Variants in DYNC1H1 observed in about 807,000 individuals in gnomAD.
DYNC1H1 encodes the protein cytoplasmic dynein 1 heavy chain 1.
Under a neutral mutation model 527.1 loss-of-function variants are expected in DYNC1H1, and 51 were observed. The observed-to-expected ratio is 0.10, with a 90% confidence interval of 0.08 to 0.12. The LOEUF (loss-of-function observed/expected upper bound fraction) is 0.12, where lower values mean the gene tolerates loss of function less well. Among genes scored for constraint, DYNC1H1 ranks in the 10% least tolerant of loss-of-function variants. DYNC1H1 has a pLI of 1.00. For synonymous variants in DYNC1H1, 2,189 were observed against 2,278.8 expected (o/e 0.96, Z 1.12); for missense variants, 2,771 against 5,971.8 (o/e 0.46, Z 17.66).
chr14:102,034,137 T>C lies in DYNC1H1; in HGVS notation c.10575T>C (p.Arg3525=), dbSNP rs763119040. Residue 3525 remains arginine (R), a synonymous_variant, in exon 55 of 78, where the codon CGT becomes CGC. Coordinates refer to ENST00000360184, the MANE Select transcript of DYNC1H1 (RefSeq NM_001376.5). ...AYAGYFDQQM[R]QNLFTTWSHH... ...CGGGTTACTTTGACCAGCAGATGCGTCAGAACTTGTTCACTACCTGGTCCC... is the reference window on the plus strand; with the variant it reads ...CGGGTTACTTTGACCAGCAGATGCGCCAGAACTTGTTCACTACCTGGTCCC... The C allele has an allele frequency of 1.9e-6, 3 of 1,614,138 alleles. No homozygotes were observed. In the Admixed American group the frequency reaches 5.0e-5, roughly 27 times the overall value.
chr14:102,042,738 G>A lies in DYNC1H1; in HGVS notation c.12503G>A (p.Arg4168Gln), dbSNP rs1468120172. The change falls in exon 69 of 78, where the codon CGG (arginine) becomes CAG (glutamine). Residue 4168 changes from arginine to glutamine, a missense_variant. Physicochemically the swap from Arg to Gln is conservative, Grantham distance 43. Coordinates refer to ENST00000360184, the MANE Select transcript of DYNC1H1 (RefSeq NM_001376.5). This position sits in a 1 kb window ranked among gnomAD's most constrained non-coding sequence, Gnocchi z 5.7. ...ACGTTCAGCAGCATTCCCGTCTCAC[G>A]GATATGCAAGGTAAGTACCTTGTCC... ...LRTFSSIPVS[R>Q]ICKSPNERAR... The A allele has an allele frequency of 6.2e-7, 1 of 1,614,136 alleles. No individual in the cohort carries two copies.
chr14:101,994,135 A>T (rs548486612), intron 11 of DYNC1H1, 49 bp from the exon 12 acceptor site: 1 of 1,613,910 alleles, frequency 6.2e-7, no homozygotes, highest in South Asian at 1.1e-5. Flanking sequence ...CACTTAGATT[A>T]CCATTTTCAT....
In DYNC1H1 at chr14:102,001,364, A is replaced by G. The variant is rs1226325395; in HGVS notation, c.4395+10A>G. On this transcript the variant is annotated intron_variant, in intron 20 of 77. Transcript: ENST00000360184. This position sits in a 1 kb window ranked among gnomAD's most constrained non-coding sequence, Gnocchi z 5.0. ...AGAATTTTTGAAGCAGGCGAGTAAT[A>G]GGACTGAACGGCTGCTTTACGTTGT... The G allele has an allele frequency of 1.7e-5, 28 of 1,614,040 alleles. No individual in the cohort carries two copies. The highest frequency in any genetic ancestry group is 2.2e-5 in the Non-Finnish European group (26 of 1,180,022).
In DYNC1H1 at chr14:102,017,635, T is replaced by A; in HGVS notation, c.8177+131T>A. ...TGCTTATTGTGGATTCCTCTTGGGTTACTTCTCTGTGCTGTAATGCCAGGA... is the reference window on the plus strand; with the variant it reads ...TGCTTATTGTGGATTCCTCTTGGGTAACTTCTCTGTGCTGTAATGCCAGGA... On this transcript the variant is annotated intron_variant, in intron 40 of 77. Coordinates refer to ENST00000360184, the MANE Select transcript of DYNC1H1 (RefSeq NM_001376.5). This position sits in a 1 kb window ranked among gnomAD's most constrained non-coding sequence, Gnocchi z 4.6. 6.6e-7 allele frequency: 1 copy of A among 1,506,776 alleles called. No homozygotes were observed. 93.3% of individuals were successfully genotyped at this position (1,506,776 alleles called of 1,614,324 possible).
chr14:102,009,737 C>G, intron 29 of DYNC1H1, 106 bp from the exon 30 acceptor site: 1 of 1,576,282 alleles, frequency 6.3e-7, no homozygotes, highest in Non-Finnish European at 8.6e-7. Flanking sequence ...TACTTCAGCT[C>G]CCTGGGAGAA....
chr14:102,034,580 T>A (rs911832856), intron 56 of DYNC1H1, 128 bp downstream of exon 56: 34 of 1,481,540 alleles, frequency 2.3e-5, no homozygotes, highest in Non-Finnish European at 3.2e-5. Context: ...TGCTGGCAGC[T>A]TGGTGCTCCT....
At position 102,002,519 on chromosome 14, in the gene DYNC1H1, C is replaced by T; in HGVS notation, c.4543-18C>T. ...AGAAGGGTCAGCAGTTTACCTCTCC[C>T]TCCTGTCTGCCCACCAGGTTTTTGA... On this transcript the variant is annotated intron_variant, in intron 21 of 77. Transcript: ENST00000360184. This position sits in a 1 kb window ranked among gnomAD's most constrained non-coding sequence, Gnocchi z 4.4. 1.2e-6 allele frequency: 2 copies of T among 1,613,820 alleles called. No individual in the cohort carries two copies. Among genetic ancestry groups the T allele is most frequent in the Non-Finnish European group, 1.7e-6 (2 of 1,179,862 alleles).
Position 102,011,754 on chromosome 14 carries a change from G to GAAA in DYNC1H1, c.6619-110_6619-108dup. 1 of 954,354 alleles carries GAAA rather than the reference G, an allele frequency of 1.0e-6. No individual in the cohort carries two copies. Among genetic ancestry groups the GAAA allele is most frequent in the African/African-American group, 1.7e-5 (1 of 59,290 alleles). 59.1% of individuals were successfully genotyped at this position (954,354 alleles called of 1,614,324 possible). A position where few individuals can be genotyped will look rare whatever the true frequency, so the allele number is the denominator to read the frequency against. ...GTGACAGAGAGAGACTCCGTTTCAG[G>GAAA]AAAAAAAAAAAAATCCACACATAAT... On this transcript the variant is annotated intron_variant, in intron 32 of 77. Coordinates refer to ENST00000360184, the MANE Select transcript of DYNC1H1 (RefSeq NM_001376.5). The surrounding 1 kb of genome is among the most constrained non-coding windows in gnomAD (Gnocchi z 5.3).
At position 102,027,331 on chromosome 14, in the gene DYNC1H1, T is replaced by C. The variant is rs765411032; in HGVS notation, c.8886+43T>C. On this transcript the variant is annotated intron_variant, in intron 45 of 77. Transcript: ENST00000360184. The surrounding 1 kb of genome is among the most constrained non-coding windows in gnomAD (Gnocchi z 7.7). The stretch of plus-strand genomic sequence containing the variant: ...CCTCTTAATCCCAGCAACAGATGTG[T>C]GTGCAGAGCTCAGTGAGTAGGAATG... 1.9e-6 allele frequency: 3 copies of C among 1,614,088 alleles called. No homozygotes were observed. Among genetic ancestry groups the C allele is most frequent in the South Asian group, 1.1e-5 (1 of 91,082 alleles).
rs202100179 is a variant in DYNC1H1 at position 102,018,413 on chromosome 14, G to A, written c.8178-38G>A. 7 of 1,608,268 alleles carry A rather than the reference G, an allele frequency of 4.4e-6. No individual in the cohort carries two copies. The highest frequency in any genetic ancestry group is 2.2e-5 in the East Asian group (1 of 44,790). On this transcript the variant is annotated intron_variant, in intron 40 of 77. Transcript: ENST00000360184. The surrounding 1 kb of genome is among the most constrained non-coding windows in gnomAD (Gnocchi z 5.2). Reference sequence around the variant, plus strand: ...ACACTGCCCCTTCCTGGGAGGCGCTGTCAGGGAGGGGCGCTGAGCGGGGCT... The same window carrying A: ...ACACTGCCCCTTCCTGGGAGGCGCTATCAGGGAGGGGCGCTGAGCGGGGCT...
At chr14:101,990,732 C>T (rs768427727) in intron 10 of DYNC1H1, among the ~76,000 whole-genome samples, 5 of 151,104 alleles carry the variant, frequency 3.3e-5, no homozygotes, top group African/African-American at 1.2e-4. Flanking sequence ...AAAATTAGGC[C>T]GGGCGCGGTG....
chr14:101,992,572 C>A (rs1002567847), intron 11 of DYNC1H1, among the ~76,000 whole-genome samples: 1 of 152,328 alleles, frequency 6.6e-6, no homozygotes, highest in East Asian at 1.9e-4. Context: ...CCCTCACTCT[C>A]GTTTAGCTGT....
At chr14:101,998,879 C>CTTTTTTTTT (rs888317854) in intron 16 of DYNC1H1, among the ~76,000 whole-genome samples, 18 of 115,214 alleles carry the variant, frequency 1.6e-4, no homozygotes, top group African/African-American at 3.8e-4. Context: ...AAAACTTTTT[C>CTTTTTTTTT]TTTTTTTTTT....
In DYNC1H1 at chr14:101,994,816, A is replaced by G. The variant is rs2048039449; in HGVS notation, c.3300A>G (p.Lys1100=). ...CCTTTGACAATGCAGAAACCAAGAA[A>G]GAGTTTGGACCAGTAGTTATAGATT... The part of the protein sequence containing the change: ...RGTFDNAETK[K]EFGPVVIDYG... Residue 1100 remains lysine, a synonymous_variant, in exon 13 of 78, where the codon AAA becomes AAG. Transcript: ENST00000360184. 7 of 1,614,226 alleles carry G rather than the reference A, an allele frequency of 4.3e-6. No homozygotes were observed. The highest frequency in any genetic ancestry group is 1.6e-4 in the Middle Eastern group (1 of 6,062).
intron 44 of DYNC1H1, 191 bp downstream of exon 44, chr14:102,026,898 T>G: frequency 1.1e-6 from 1 of 892,640 alleles, no homozygotes; most frequent in African/African-American, 1.7e-5. Flanking sequence ...CAGAACTTCA[T>G]TCTTCCTCCC....
At position 102,010,934 on chromosome 14, in the gene DYNC1H1, T is replaced by C. The variant is rs747094082; in HGVS notation, c.6600T>C (p.Gly2200=). 1.2e-6 allele frequency: 2 copies of C among 1,614,108 alleles called. No homozygotes were observed. Among genetic ancestry groups the C allele is most frequent in the South Asian group, 1.1e-5 (1 of 91,082 alleles). ...CATATGGAGATGGAGAAGAAGTTGG[T>C]GGAATGTGGGTTGAAAAGGTAACTT... The part of the protein sequence containing the change: ...YLTYGDGEEV[G]GMWVEKVLQL... Residue 2200 remains glycine (G), a synonymous_variant, in exon 32 of 78, where the codon GGT becomes GGC. Coordinates refer to ENST00000360184, the MANE Select transcript of DYNC1H1 (RefSeq NM_001376.5). This position sits in a 1 kb window ranked among gnomAD's most constrained non-coding sequence, Gnocchi z 6.0.
In DYNC1H1 at chr14:102,042,641, G is replaced by A. The variant is rs1229650037; in HGVS notation, c.12406G>A (p.Val4136Met). The A allele has an allele frequency of 1.2e-6, 2 of 1,614,052 alleles. No homozygotes were observed. Among genetic ancestry groups the A allele is most frequent in the Non-Finnish European group, 1.7e-6 (2 of 1,180,030 alleles). The change falls in exon 69 of 78, where the codon GTG becomes ATG. Residue 4136 changes from valine to methionine, a missense_variant. By Grantham distance (21) the Val-to-Met change is conservative (BLOSUM62 1). Around this residue, in one of 32 missense-constraint regions of DYNC1H1, gnomAD observed 195 missense variants for 428.6 expected, o/e 0.45. Transcript: ENST00000360184. The surrounding 1 kb of genome is among the most constrained non-coding windows in gnomAD (Gnocchi z 5.7). The part of the protein sequence containing the change: ...LTMEINPKVP[V>M]NLLRAGRIFV... ...GAACGGCGCTCTCCCTTAGGTGCCTGTGAATCTGCTCCGTGCGGGCCGCAT... is the reference window on the plus strand; with the variant it reads ...GAACGGCGCTCTCCCTTAGGTGCCTATGAATCTGCTCCGTGCGGGCCGCAT...
chr14:102,040,624 C>A lies in DYNC1H1; in HGVS notation c.11892C>A (p.Ser3964Arg), dbSNP rs757869882. 6.2e-7 allele frequency: 1 copy of A among 1,614,226 alleles called. No individual in the cohort carries two copies. Among genetic ancestry groups the A allele is most frequent in the East Asian group, 2.2e-5 (1 of 44,894 alleles). Residue 3964 changes from serine to arginine, a missense_variant, in exon 64 of 78, where the codon AGC becomes AGA. By Grantham distance (110) the Ser-to-Arg change is moderately radical. Coordinates refer to ENST00000360184, the MANE Select transcript of DYNC1H1 (RefSeq NM_001376.5). Reference protein sequence around the residue: ...DEQFGIWLDSSSPEQTVPYLW... With the variant: ...DEQFGIWLDSRSPEQTVPYLW... The stretch of plus-strand genomic sequence containing the variant: ...AATTTGGCATCTGGCTGGACAGCAG[C>A]TCCCCGGAGCAGACTGTGCCCTACC...
At chr14:101,992,629 A>C (rs1181956476) in intron 11 of DYNC1H1, among the ~76,000 whole-genome samples, 1 of 152,000 alleles carries the variant, frequency 6.6e-6, no homozygotes, top group Non-Finnish European at 1.5e-5. Context: ...ACGGGACCCC[A>C]TGTCCCCTGC....
Sources: allele counts gnomAD v4.1 joint callset (sites outside exome capture counted in the v4.1 genomes callset), GRCh38; gene constraint gnomAD v4.1.1; regional missense constraint gnomAD v4.1.1; non-coding constraint Gnocchi (gnomAD v3.1); transcripts MANE v1.5; gene names NCBI Gene and HGNC (gene_info 2026-07-23, HGNC 2026-07-21).